Variants in CHRM5 observed in about 807,000 individuals in gnomAD.
CHRM5 encodes cholinergic receptor muscarinic 5, also known as muscarinic acetylcholine receptor M5.
CHRM5 carries 18 observed loss-of-function variants against 39.0 expected under a neutral mutation model. The ratio of observed to expected loss-of-function variants is 0.46; its 90% CI spans 0.32 to 0.68. The LOEUF (loss-of-function observed/expected upper bound fraction) is 0.68, where lower values mean the gene tolerates loss of function less well. CHRM5 is among the 30% of genes least tolerant of loss of function. The probability of loss-of-function intolerance (pLI) is 0.04; values close to 1 mark genes in which losing one functional copy is unlikely to be tolerated. For synonymous variants in CHRM5, 241 were observed against 246.3 expected, an observed-to-expected ratio of 0.98 and a Z score of 0.20; for missense variants, 515 against 651.1, an observed-to-expected ratio of 0.79 and a Z score of 2.28.
chr15:34,009,308 C>T (rs1255809096), intron 1 of CHRM5, among the ~76,000 whole-genome samples: 1 of 152,114 alleles, frequency 6.6e-6, no homozygotes, highest in African/African-American at 2.4e-5. Context: ...CAATTCAAAT[C>T]CACATGAAAA....
intron 1 of CHRM5, among the ~76,000 whole-genome samples, chr15:33,994,008 A>C (rs1896833898): frequency 6.6e-6 from 1 of 152,216 alleles, no homozygotes; most frequent in South Asian, 2.1e-4. Context: ...TCTTCTGAAC[A>C]TACAGCTGTG....
intron 1 of CHRM5, among the ~76,000 whole-genome samples, chr15:34,045,685 G>A (rs1383593426): frequency 6.6e-6 from 1 of 151,660 alleles, no homozygotes. Context: ...GACAGGTTCA[G>A]GCATAAAGCT....
chr15:34,011,191 CA>C (rs929016019), intron 1 of CHRM5, among the ~76,000 whole-genome samples: 4 of 147,562 alleles, frequency 2.7e-5, no homozygotes, highest in Admixed American at 2.0e-4. Context: ...GACTCTGTCT[CA>C]AAAAAAACTT....
intron 1 of CHRM5, among the ~76,000 whole-genome samples, chr15:33,987,600 C>T (rs903319156): frequency 6.6e-6 from 1 of 152,174 alleles, no homozygotes; most frequent in Non-Finnish European, 1.5e-5. Context: ...ACCATGAGCT[C>T]CCAAATCTAC....
intron 1 of CHRM5, among the ~76,000 whole-genome samples, chr15:33,990,491 T>A (rs769976439): frequency 6.6e-6 from 1 of 152,180 alleles, no homozygotes; most frequent in Non-Finnish European, 1.5e-5. Flanking sequence ...CAGAAGAGTA[T>A]CTGGAATACA....
intron 1 of CHRM5, among the ~76,000 whole-genome samples, chr15:34,020,221 G>A (rs7173183): frequency 0.15 from 22,573 of 151,948 alleles, 2,084 homozygotes; most frequent in Middle Eastern, 0.28. Flanking sequence ...TGAGGCAGGA[G>A]AATGGCGTGA....
chr15:34,007,047 C>T, intron 1 of CHRM5: 2 of 983,952 alleles, frequency 2.0e-6, no homozygotes, highest in Non-Finnish European at 2.4e-6. Flanking sequence ...TAGTTCATAC[C>T]TGGACATCGG....
At chr15:34,029,011 A>T (rs1310467170) in intron 1 of CHRM5, among the ~76,000 whole-genome samples, 1 of 152,196 alleles carries the variant, frequency 6.6e-6, no homozygotes, top group African/African-American at 2.4e-5. Flanking sequence ...ACCTTGAAAT[A>T]ACAATTACTA....
At chr15:33,982,230 C>A (rs540574879) in intron 1 of CHRM5, among the ~76,000 whole-genome samples, 5 of 152,164 alleles carry the variant, frequency 3.3e-5, no homozygotes, top group African/African-American at 1.2e-4. Flanking sequence ...AGAGCTGCAT[C>A]TGCAGCTCTG....
Position 34,032,184 on chromosome 15 carries a change from A to G in CHRM5, c.-407-14356A>G, listed in dbSNP as rs1168709814. Among the ~76,000 whole-genome samples, 5 of 152,204 alleles carry G rather than the reference A, an allele frequency of 3.3e-5. No homozygotes were observed. In the East Asian group the frequency reaches 7.7e-4, roughly 23 times the overall value. ...CTTTGATACTTCAAAGTGCATCAAG[A>G]AATAGTGACATCTGAATAGAAAACA... On this transcript the variant is annotated intron_variant, in intron 1 of 2. Coordinates refer to ENST00000383263, the MANE Select transcript of CHRM5 (RefSeq NM_012125.4).
chr15:33,985,892 T>A (rs368825993), intron 1 of CHRM5, among the ~76,000 whole-genome samples: 102 of 152,282 alleles, frequency 6.7e-4, no homozygotes, highest in African/African-American at 2.4e-3. Flanking sequence ...AGGATTCTTC[T>A]CTAATACTGA....
In CHRM5 at chr15:34,064,583, C is replaced by T. The variant is rs1900462091; in HGVS notation, c.*267C>T. 3 of 462,234 alleles carry T rather than the reference C, an allele frequency of 6.5e-6. No individual in the cohort carries two copies. In the Admixed American group the frequency reaches 1.2e-4, roughly 18 times the overall value. The allele number at this position is 462,234 out of a possible 1,614,324, so 28.6% of individuals were successfully genotyped here. On this transcript the variant is annotated 3_prime_UTR_variant, in exon 3 of 3. Coordinates refer to ENST00000383263, the MANE Select transcript of CHRM5 (RefSeq NM_012125.4). ...GAAGTAAAGGGATAGGCTCATGGCC[C>T]TTCACAAGAGGAAGCACACTGGGTA...
chr15:34,003,299 A>G, intron 1 of CHRM5: 1 of 1,135,272 alleles, frequency 8.8e-7, no homozygotes, highest in Non-Finnish European at 1.3e-6. Flanking sequence ...ACATGGACAT[A>G]ACAATAAAAA....
chr15:34,008,432 A>C (rs1199024695), intron 1 of CHRM5, among the ~76,000 whole-genome samples: 1 of 151,546 alleles, frequency 6.6e-6, no homozygotes, highest in East Asian at 2.0e-4. Context: ...AAAAAGAAAA[A>C]AAAAAAGAAG....
chr15:34,008,943 C>CGT (rs1897500556), intron 1 of CHRM5, among the ~76,000 whole-genome samples: 1 of 75,492 alleles, frequency 1.3e-5, no homozygotes, highest in African/African-American at 4.5e-5. Context: ...CACACTCACA[C>CGT]GTGCGCGCGC....
intron 1 of CHRM5, among the ~76,000 whole-genome samples, chr15:33,993,163 A>G (rs1035369978): frequency 6.6e-6 from 1 of 152,190 alleles, no homozygotes; most frequent in African/African-American, 2.4e-5. Context: ...GGGAAAAAAA[A>G]TGAAGGGCAG....
intron 1 of CHRM5, among the ~76,000 whole-genome samples, chr15:34,039,361 T>C (rs1329970466): frequency 6.7e-6 from 1 of 150,124 alleles, no homozygotes; most frequent in Non-Finnish European, 1.5e-5. Flanking sequence ...GAGACCGTGC[T>C]AAGTGCAAGG....
chr15:33,995,720 T>C lies in CHRM5; in HGVS notation c.-408+26570T>C, dbSNP rs570441304. ...GTCATAAGCCATTAGTGGGACATTA[T>C]ATCATTTGGGTTTTTAAAATGCTGC... On this transcript the variant is annotated intron_variant, in intron 1 of 2. Coordinates refer to ENST00000383263, the MANE Select transcript of CHRM5 (RefSeq NM_012125.4). Among the ~76,000 whole-genome samples, 255 of 152,354 alleles carry C rather than the reference T, an allele frequency of 1.7e-3. 3 individuals are homozygous for C. Among genetic ancestry groups the C allele is most frequent in the African/African-American group, 5.8e-3 (241 of 41,582 alleles).
At chr15:34,030,362 T>C (rs1013186693) in intron 1 of CHRM5, among the ~76,000 whole-genome samples, 10 of 152,186 alleles carry the variant, frequency 6.6e-5, no homozygotes, top group Admixed American at 1.3e-4. Flanking sequence ...TTTGTTTTGT[T>C]TGAGACGGAG....
Sources: gnomAD v4.1 joint callset for allele counts (sites outside exome capture counted in the v4.1 genomes callset) on GRCh38, gnomAD v4.1.1 for gene constraint, MANE v1.5 for transcripts, NCBI Gene and HGNC (gene_info 2026-07-23, HGNC 2026-07-21) for gene names.